LIMCH1: variants seen among roughly 807,000 people sequenced by gnomAD.
The protein encoded by LIMCH1 is LIM and calponin homology domains-containing protein 1.
LIMCH1 carries 113 observed loss-of-function variants against 176.5 expected under a neutral mutation model. The observed-to-expected ratio is 0.64, with a 90% CI of 0.55 to 0.75. The LOEUF (loss-of-function observed/expected upper bound fraction) is 0.75. Among genes scored for constraint, LIMCH1 ranks in the 30% least tolerant of loss-of-function variants. The probability of loss-of-function intolerance (pLI) is 0.00; values close to 1 mark genes in which losing one functional copy is unlikely to be tolerated. For missense variants in LIMCH1, 1,674 were observed against 1,814.9 expected (o/e 0.92, Z 1.41); for synonymous variants, 619 against 645.9 (o/e 0.96, Z 0.63).
rs2092495583 is a variant in LIMCH1 at position 41,620,625 on chromosome 4, C to T, written c.660C>T (p.Ile220=). 1 of 1,536,052 alleles carries T rather than the reference C, an allele frequency of 6.5e-7. No homozygotes were observed. The highest frequency in any genetic ancestry group is 8.7e-7 in the Non-Finnish European group (1 of 1,146,932). ...PKSEEKDAAE[I]QKRKRLEQAG... Reference sequence around the variant, plus strand: ...CTGAAGAAAAAGATGCTGCTGAGATCCAAAAGCGCAAAAGGCTAGAGCAAG... The same window carrying T: ...CTGAAGAAAAAGATGCTGCTGAGATTCAAAAGCGCAAAAGGCTAGAGCAAG... Residue 220 remains isoleucine, a synonymous_variant, in exon 7 of 32, where the codon ATC becomes ATT. Coordinates refer to ENST00000503057, the MANE Select transcript of LIMCH1 (RefSeq NM_001330672.2).
intron 1 of LIMCH1, among the ~76,000 whole-genome samples, chr4:41,565,346 T>TACACACACACACACAC (rs34056313): frequency 3.0e-4 from 39 of 128,606 alleles, no homozygotes; most frequent in African/African-American, 1.1e-3. Flanking sequence ...CTATTTCGGA[T>TACACACACACACACAC]ACACACACAC....
At chr4:41,547,198 A>G (rs1482761363) in intron 1 of LIMCH1, among the ~76,000 whole-genome samples, 1 of 152,140 alleles carries the variant, frequency 6.6e-6, no homozygotes, top group East Asian at 1.9e-4. Context: ...ATTTTGACAT[A>G]TACATTATTA....
At chr4:41,391,821 GA>G (rs1249777007) in intron 1 of LIMCH1, among the ~76,000 whole-genome samples, 1 of 152,126 alleles carries the variant, frequency 6.6e-6, no homozygotes, top group Non-Finnish European at 1.5e-5. Flanking sequence ...GACATTAGTG[GA>G]AAAACTGGTG....
chr4:41,674,953 C>G (rs2095167037), intron 22 of LIMCH1, among the ~76,000 whole-genome samples: 1 of 152,154 alleles, frequency 6.6e-6, no homozygotes, highest in South Asian at 2.1e-4. Flanking sequence ...CCCTGCATAA[C>G]TTCCAAGAGC....
chr4:41,489,881 C>T (rs1406735823), intron 1 of LIMCH1, among the ~76,000 whole-genome samples: 2 of 151,886 alleles, frequency 1.3e-5, no homozygotes, highest in Non-Finnish European at 2.9e-5. Context: ...GATCAGAAGC[C>T]TTATCAATAA....
intron 1 of LIMCH1, among the ~76,000 whole-genome samples, chr4:41,437,614 C>A (rs2062223046): frequency 6.6e-6 from 1 of 152,188 alleles, no homozygotes; most frequent in Non-Finnish European, 1.5e-5. Flanking sequence ...AGATACTGTG[C>A]TTGGTGTGTT....
chr4:41,410,638 C>T (rs2059397895), intron 1 of LIMCH1, among the ~76,000 whole-genome samples: 1 of 152,084 alleles, frequency 6.6e-6, no homozygotes, highest in South Asian at 2.1e-4. Context: ...AGACAGCACC[C>T]CTCCCCTGCA....
intron 2 of LIMCH1, among the ~76,000 whole-genome samples, chr4:41,509,391 C>T (rs987931241): frequency 6.6e-6 from 1 of 152,166 alleles, no homozygotes; most frequent in African/African-American, 2.4e-5. Flanking sequence ...CCCAGATGCT[C>T]GCTCCAATCT....
At chr4:41,623,323 G>A (rs904286803) in intron 7 of LIMCH1, among the ~76,000 whole-genome samples, 2 of 152,196 alleles carry the variant, frequency 1.3e-5, no homozygotes, top group African/African-American at 2.4e-5. Context: ...ACCACTTGTT[G>A]TGGCCCATTT....
chr4:41,607,335 A>G (rs2090863373), intron 4 of LIMCH1, among the ~76,000 whole-genome samples: 1 of 152,238 alleles, frequency 6.6e-6, no homozygotes, highest in African/African-American at 2.4e-5. Context: ...AGTCTGGCTC[A>G]TGTATTTATA....
intron 1 of LIMCH1, among the ~76,000 whole-genome samples, chr4:41,594,632 C>T (rs2088362075): frequency 6.6e-6 from 1 of 152,196 alleles, no homozygotes; most frequent in South Asian, 2.1e-4. Context: ...TAGGGCCTGG[C>T]TCCCCTCCAG....
At chr4:41,466,658 A>C (rs1249608401) in intron 1 of LIMCH1, among the ~76,000 whole-genome samples, 1 of 152,222 alleles carries the variant, frequency 6.6e-6, no homozygotes, top group Non-Finnish European at 1.5e-5. Flanking sequence ...CCAGAATGAT[A>C]GATTTCCTGT....
intron 13 of LIMCH1, among the ~76,000 whole-genome samples, chr4:41,636,910 G>T (rs1317487275): frequency 6.6e-6 from 1 of 152,140 alleles, no homozygotes; most frequent in East Asian, 1.9e-4. Flanking sequence ...TTGTGAAAAT[G>T]CATTGAAGTA....
intron 1 of LIMCH1, among the ~76,000 whole-genome samples, chr4:41,417,015 C>G (rs2059998760): frequency 6.6e-6 from 1 of 152,038 alleles, no homozygotes; most frequent in Non-Finnish European, 1.5e-5. Context: ...ATTTCTAAGA[C>G]TTTTTTGTGA....
At position 41,626,983 on chromosome 4, in the gene LIMCH1, C is replaced by CA. The variant is rs1198817073; in HGVS notation, c.1009dup (p.Arg337LysfsTer6). ...AGCAAACAGCTCTCAAAGGGAATCT[C>CA]AAAAAAAAGAAGTCTAGAATATAAA... On this transcript the variant is annotated frameshift_variant, in exon 8 of 32. Coordinates refer to ENST00000503057, the MANE Select transcript of LIMCH1 (RefSeq NM_001330672.2). LOFTEE classifies it high-confidence loss of function. 2.2e-5 allele frequency: 34 copies of CA among 1,527,032 alleles called. No individual in the cohort carries two copies. The highest frequency in any genetic ancestry group is 1.7e-4 in the Middle Eastern group (1 of 5,954). 94.6% of individuals were successfully genotyped at this position (1,527,032 alleles called of 1,614,324 possible). A position where few individuals can be genotyped will look rare whatever the true frequency, so the allele number is the denominator to read the frequency against.
chr4:41,629,954 T>A (rs2093224346), intron 9 of LIMCH1, among the ~76,000 whole-genome samples: 1 of 151,836 alleles, frequency 6.6e-6, no homozygotes, highest in South Asian at 2.1e-4. Context: ...TACAGGCCCA[T>A]GCCACTATGC....
chr4:41,687,739 GTTTTA>G (rs1308653607), intron 28 of LIMCH1, 96 bp from the exon 29 acceptor site: 7 of 736,742 alleles, frequency 9.5e-6, no homozygotes, highest in East Asian at 5.5e-5. Context: ...TGTCACAAAA[GTTTTA>G]TTTTATTTTA....
chr4:41,418,685 GT>G (rs1314198389), intron 1 of LIMCH1: 21 of 152,164 alleles, frequency 1.4e-4, no homozygotes, highest in African/African-American at 5.1e-4. Flanking sequence ...TGGCCCAGAC[GT>G]TTGCAGAATT....
intron 1 of LIMCH1, among the ~76,000 whole-genome samples, chr4:41,488,018 C>G (rs1156445455): frequency 1.3e-5 from 2 of 151,862 alleles, no homozygotes; most frequent in Non-Finnish European, 1.5e-5. Context: ...TTCCTGCACA[C>G]AGTGGCCACA....
Sources: gnomAD v4.1 joint callset for allele counts (sites outside exome capture counted in the v4.1 genomes callset) on GRCh38, gnomAD v4.1.1 for gene constraint, MANE v1.5 for transcripts, NCBI Gene and HGNC (gene_info 2026-07-23, HGNC 2026-07-21) for gene names.